ARHGEF28: variants seen among roughly 807,000 people sequenced by gnomAD.
ARHGEF28 encodes 190 kDa guanine nucleotide exchange factor.
Under a neutral mutation model 206.6 loss-of-function variants are expected in ARHGEF28, and 152 were observed. The observed-to-expected ratio is 0.74, with a 90% confidence interval of 0.64 to 0.84. The LOEUF (loss-of-function observed/expected upper bound fraction) is 0.84, where lower values mean the gene tolerates loss of function less well. Ranked by LOEUF, ARHGEF28 falls within the 40% of genes least tolerant of loss-of-function variation. The pLI is 0.00. For missense variants in ARHGEF28, 2,028 were observed against 2,073.2 expected (o/e 0.98, Z 0.42); for synonymous variants, 763 against 776.4 (o/e 0.98, Z 0.29).
rs1758777069 is a variant in ARHGEF28 at position 73,852,669 on chromosome 5, A to G, written c.1767A>G (p.Leu589=). 1.9e-6 allele frequency: 3 copies of G among 1,613,760 alleles called. No individual in the cohort carries two copies. The highest frequency in any genetic ancestry group is 2.5e-6 in the Non-Finnish European group (3 of 1,179,738). The change falls in exon 14 of 36, where the codon TTA becomes TTG. Residue 589 remains leucine (L), a synonymous_variant. Transcript: ENST00000513042. ...TTGTAGAGCAAAGAGCTTACAGCTT[A>G]TCGGAGCCACCAAGAGAAAACAGGT... is the stretch of plus-strand genomic sequence containing the variant. ...SSSEEQRAYS[L]SEPPRENRIQ... is the part of the protein sequence containing the mutation.
At chr5:73,929,366 T>A (rs771812060) in intron 35 of ARHGEF28, among the ~76,000 whole-genome samples, 17 of 152,292 alleles carry the variant, frequency 1.1e-4, no homozygotes, top group South Asian at 2.1e-4. Context: ...TCAGTATTTG[T>A]CTCTAAAAGA....
At position 73,749,937 on chromosome 5, in the gene ARHGEF28, T is replaced by C. The variant is rs781369636; in HGVS notation, c.134T>C (p.Met45Thr). ...TYDGSHQRHV[M>T]IAERIEDNVL... ...GACGGATCTCATCAGCGACATGTCATGATTGCAGAGCGCATCGAGGATAAC... is the reference window on the plus strand; with the variant it reads ...GACGGATCTCATCAGCGACATGTCACGATTGCAGAGCGCATCGAGGATAAC... The change falls in exon 3 of 36, where the codon ATG becomes ACG. Residue 45 changes from methionine to threonine, a missense_variant. This residue lies in a region of ARHGEF28 where 1,002 missense variants were observed against 1,015.3 expected (regional missense o/e 0.99). Coordinates refer to ENST00000513042, the MANE Select transcript of ARHGEF28 (RefSeq NM_001177693.2). 7 of 1,614,014 alleles carry C rather than the reference T, an allele frequency of 4.3e-6. No homozygotes were observed. Among genetic ancestry groups the C allele is most frequent in the Non-Finnish European group, 5.9e-6 (7 of 1,179,888 alleles).
At chr5:73,723,271 C>A (rs1029533481) in intron 2 of ARHGEF28, among the ~76,000 whole-genome samples, 1 of 152,310 alleles carries the variant, frequency 6.6e-6, no homozygotes, top group African/African-American at 2.4e-5. Flanking sequence ...TCGCTGCAAC[C>A]TCTGCCTCCC....
At chr5:73,865,487 G>A (rs1759650076) in intron 17 of ARHGEF28, among the ~76,000 whole-genome samples, 1 of 152,184 alleles carries the variant, frequency 6.6e-6, no homozygotes, top group Non-Finnish European at 1.5e-5. Flanking sequence ...CCTTCAGGGG[G>A]AAATTTGCAG....
chr5:73,883,287 A>G (rs1213457609), intron 23 of ARHGEF28, among the ~76,000 whole-genome samples: 1 of 152,084 alleles, frequency 6.6e-6, no homozygotes, highest in East Asian at 1.9e-4. Flanking sequence ...TACCACATAA[A>G]TGTGTGTTGA....
At chr5:73,702,930 G>C (rs1201181961) in intron 2 of ARHGEF28, among the ~76,000 whole-genome samples, 1 of 152,216 alleles carries the variant, frequency 6.6e-6, no homozygotes, top group Non-Finnish European at 1.5e-5. Context: ...ACATCTGAAT[G>C]TGTTTGGATC....
At chr5:73,925,361 C>G (rs1339656021) in intron 35 of ARHGEF28, among the ~76,000 whole-genome samples, 3 of 152,210 alleles carry the variant, frequency 2.0e-5, no homozygotes, top group African/African-American at 7.2e-5. Flanking sequence ...TGTGTTTCCT[C>G]TATCGAGAAT....
At chr5:73,759,356 T>C (rs1485910855) in intron 4 of ARHGEF28, among the ~76,000 whole-genome samples, 1 of 152,184 alleles carries the variant, frequency 6.6e-6, no homozygotes, top group Admixed American at 6.5e-5. Flanking sequence ...GAAAACCTTG[T>C]CATGGCCCAC....
chr5:73,727,323 G>T (rs1298703663), intron 2 of ARHGEF28, among the ~76,000 whole-genome samples: 1 of 152,058 alleles, frequency 6.6e-6, no homozygotes. Flanking sequence ...GACCTGAGGG[G>T]GTGAGTGAAA....
intron 1 of ARHGEF28, among the ~76,000 whole-genome samples, chr5:73,655,634 G>A (rs1745144578): frequency 1.3e-5 from 2 of 152,156 alleles, no homozygotes; most frequent in Non-Finnish European, 2.9e-5. Context: ...TGTGTAGGCA[G>A]TGGAAAATAT....
intron 2 of ARHGEF28, among the ~76,000 whole-genome samples, chr5:73,728,763 A>C (rs1380197620): frequency 6.6e-6 from 1 of 152,158 alleles, no homozygotes; most frequent in African/African-American, 2.4e-5. Flanking sequence ...TCTGCAAATC[A>C]TGTTGCTTTC....
intron 7 of ARHGEF28, among the ~76,000 whole-genome samples, chr5:73,783,965 A>G (rs1054706787): frequency 6.6e-6 from 1 of 152,150 alleles, no homozygotes; most frequent in Admixed American, 6.5e-5. Flanking sequence ...ATGCTTTTGT[A>G]TTTGTCTACC....
At chr5:73,912,920 G>A (rs998757355) in intron 35 of ARHGEF28, among the ~76,000 whole-genome samples, 3 of 152,144 alleles carry the variant, frequency 2.0e-5, no homozygotes, top group South Asian at 2.1e-4. Flanking sequence ...GTATAATTCC[G>A]AAACTCAGTT....
At chr5:73,800,006 A>G (rs1755040947) in intron 9 of ARHGEF28, among the ~76,000 whole-genome samples, 1 of 152,204 alleles carries the variant, frequency 6.6e-6, no homozygotes, top group Admixed American at 6.5e-5. Context: ...CCTCTTGGAA[A>G]AAAATTATGT....
intron 3 of ARHGEF28, among the ~76,000 whole-genome samples, chr5:73,751,985 A>T (rs1009115106): frequency 6.6e-6 from 1 of 152,206 alleles, no homozygotes; most frequent in African/African-American, 2.4e-5. Context: ...TTGGAGCCCT[A>T]GCTGCAAAGC....
intron 14 of ARHGEF28, among the ~76,000 whole-genome samples, chr5:73,855,271 A>C (rs1758945622): frequency 6.6e-6 from 1 of 152,208 alleles, no homozygotes; most frequent in Admixed American, 6.5e-5. Context: ...GTTATACAGT[A>C]TTACCCATCT....
chr5:73,627,888 C>CT (rs936801939), intron 1 of ARHGEF28, among the ~76,000 whole-genome samples: 19 of 147,022 alleles, frequency 1.3e-4, no homozygotes, highest in East Asian at 2.0e-4. Context: ...CTGCTTTTGA[C>CT]TTTTTTTTTT....
chr5:73,701,383 T>C (rs1748587819), intron 2 of ARHGEF28, among the ~76,000 whole-genome samples: 1 of 152,182 alleles, frequency 6.6e-6, no homozygotes, highest in Admixed American at 6.5e-5. Flanking sequence ...TATAAGGTGA[T>C]ATCTGACACA....
chr5:73,642,002 C>T (rs1744140733), intron 1 of ARHGEF28, among the ~76,000 whole-genome samples: 1 of 152,174 alleles, frequency 6.6e-6, no homozygotes. Context: ...CAACCTGCTG[C>T]GGGGTTTGTA....
Sources: allele counts gnomAD v4.1 joint callset (sites outside exome capture counted in the v4.1 genomes callset), GRCh38; gene constraint gnomAD v4.1.1; regional missense constraint gnomAD v4.1.1; transcripts MANE v1.5; gene names NCBI Gene and HGNC (gene_info 2026-07-23, HGNC 2026-07-21).